The following MYO9A variants were observed in gnomAD, a reference collection of about 807,000 sequenced individuals.
MYO9A encodes myosin IXA, also known as unconventional myosin-IXa.
In MYO9A, 103 loss-of-function variants were observed where a neutral mutation model predicts 293.3. The observed-to-expected ratio is 0.35, with a 90% CI of 0.30 to 0.41. The LOEUF (loss-of-function observed/expected upper bound fraction) is 0.41. Ranked by LOEUF, MYO9A falls within the 10% of genes least tolerant of loss-of-function variation. The pLI is 1.00. For synonymous variants in MYO9A, 1,001 were observed against 1,035.7 expected (o/e 0.97, Z 0.64); for missense variants, 2,685 against 3,033.0 (o/e 0.89, Z 2.69).
chr15:71,956,326 AAAAAAT>A (rs1275462531), intron 14 of MYO9A, among the ~76,000 whole-genome samples: 1 of 9,888 alleles, frequency 1.0e-4, no homozygotes, highest in African/African-American at 1.8e-4. Flanking sequence ...AAAAAAAAAA[AAAAAAT>A]ATATATATAT....
At chr15:71,873,357 G>A (rs2056582051) in intron 32 of MYO9A, among the ~76,000 whole-genome samples, 2 of 151,872 alleles carry the variant, frequency 1.3e-5, no homozygotes, top group African/African-American at 4.8e-5. Context: ...TCAGTCTTTT[G>A]CCATTACAAA....
intron 22 of MYO9A, 61 bp from the exon 23 acceptor site, chr15:71,901,401 G>C: frequency 1.3e-6 from 2 of 1,498,286 alleles, no homozygotes; most frequent in South Asian, 1.3e-5. Flanking sequence ...TTTATTTCAT[G>C]AATCATCCTT....
chr15:71,993,413 A>G (rs1467161899), intron 10 of MYO9A, among the ~76,000 whole-genome samples: 1 of 152,168 alleles, frequency 6.6e-6, no homozygotes, highest in Non-Finnish European at 1.5e-5. Flanking sequence ...GACAAAACAG[A>G]AGACAAAAAT....
At chr15:71,987,668 T>C (rs1310979618) in intron 11 of MYO9A, among the ~76,000 whole-genome samples, 1 of 152,220 alleles carries the variant, frequency 6.6e-6, no homozygotes, top group Admixed American at 6.5e-5. Context: ...TATATGCCTA[T>C]GTACTCCTTT....
chr15:72,025,240 T>C (rs151011270), intron 4 of MYO9A, among the ~76,000 whole-genome samples: 155 of 152,266 alleles, frequency 1.0e-3, no homozygotes, highest in African/African-American at 3.3e-3. Flanking sequence ...AGACCAAACT[T>C]GTTCCTAGGG....
intron 1 of MYO9A, among the ~76,000 whole-genome samples, chr15:72,086,680 TG>T (rs1481663143): frequency 6.7e-6 from 1 of 149,226 alleles, no homozygotes. Context: ...AGGGAGGGGT[TG>T]GGGTGTAAGC....
chr15:71,948,671 G>A (rs768966666), intron 15 of MYO9A, among the ~76,000 whole-genome samples: 2 of 152,128 alleles, frequency 1.3e-5, no homozygotes, highest in Admixed American at 6.6e-5. Context: ...CCCAAGTTAC[G>A]ATCATGGGGT....
chr15:71,847,171 G>C (rs994643752), intron 39 of MYO9A, among the ~76,000 whole-genome samples: 47 of 152,032 alleles, frequency 3.1e-4, no homozygotes, highest in Non-Finnish European at 1.5e-5. Flanking sequence ...CTAACAAAGA[G>C]GAAAAACCAG....
chr15:71,906,758 C>CTTTCTTTTTTTTTTCTTTTTTTTTTT (rs765264146), intron 19 of MYO9A, among the ~76,000 whole-genome samples: 1 of 61,012 alleles, frequency 1.6e-5, no homozygotes, highest in African/African-American at 6.4e-5. Context: ...CCATTTCTTT[C>CTTTCTTTTTTTTTTCTTTTTTTTTTT]TTTTTTTTTT....
At chr15:72,084,459 T>C in intron 1 of MYO9A, among the ~76,000 whole-genome samples, 1 of 152,190 alleles carries the variant, frequency 6.6e-6, no homozygotes, top group African/African-American at 2.4e-5. Context: ...TTGGAGCATT[T>C]AGCCTGTTTA....
At chr15:71,836,970 G>T (rs1040290084) in intron 39 of MYO9A, among the ~76,000 whole-genome samples, 11 of 151,944 alleles carry the variant, frequency 7.2e-5, no homozygotes, top group South Asian at 4.1e-4. Context: ...TCCTTAAACT[G>T]AATATGTTTC....
At chr15:71,919,184 A>G (rs1167166572) in intron 18 of MYO9A, among the ~76,000 whole-genome samples, 1 of 152,200 alleles carries the variant, frequency 6.6e-6, no homozygotes, top group Non-Finnish European at 1.5e-5. Context: ...ACTGTGGCTC[A>G]GGGCTATAAT....
intron 8 of MYO9A, among the ~76,000 whole-genome samples, chr15:72,006,546 C>A (rs1205429912): frequency 6.6e-6 from 1 of 152,090 alleles, no homozygotes; most frequent in Non-Finnish European, 1.5e-5. Flanking sequence ...GGGGGAGGGA[C>A]TGAACAGGTA....
chr15:72,080,839 T>C (rs532514073), intron 1 of MYO9A, among the ~76,000 whole-genome samples: 71 of 152,212 alleles, frequency 4.7e-4, no homozygotes, highest in African/African-American at 1.7e-3. Context: ...CCATATTAGT[T>C]TACTATGAAT....
chr15:71,851,393 AT>A (rs1567196663), intron 36 of MYO9A, 35 bp from the exon 37 acceptor site: 1 of 1,512,332 alleles, frequency 6.6e-7, no homozygotes, highest in Admixed American at 1.7e-5. Context: ...AAGACTAAAT[AT>A]CCCCCCTTAT....
intron 20 of MYO9A, among the ~76,000 whole-genome samples, chr15:71,904,556 G>C (rs1320530832): frequency 6.6e-6 from 1 of 152,228 alleles, no homozygotes; most frequent in Non-Finnish European, 1.5e-5. Flanking sequence ...AGGAGGCTGA[G>C]GCAGGAGAAC....
At chr15:71,998,788 C>T (rs1555500655) in intron 9 of MYO9A, among the ~76,000 whole-genome samples, 2 of 151,760 alleles carry the variant, frequency 1.3e-5, no homozygotes, top group Non-Finnish European at 2.9e-5. Context: ...TCCATGTGTT[C>T]TCATTGTTCA....
At chr15:71,891,215 A>C (rs1435613402) in intron 26 of MYO9A, 1 of 152,234 alleles carries the variant, frequency 6.6e-6, no homozygotes, top group African/African-American at 2.4e-5. Context: ...GACGTGACTA[A>C]CACACTGTGC....
rs149598130 is a variant in MYO9A, at chr15:71,936,946, A to C, written c.2379-1462T>G. On this transcript the variant is annotated intron_variant, in intron 16 of 41. Transcript: ENST00000356056. ...TGGTACTCTGGCTTTAGAAAAAAAA[A>C]AAAGAAAACAAAAGGAGAGAGAGAG... Among the ~76,000 whole-genome samples, 62 of 151,742 alleles carry C rather than the reference A, an allele frequency of 4.1e-4. 2 individuals carry two copies. The highest frequency in any genetic ancestry group is 6.6e-4 in the Admixed American group (10 of 15,234).
Sources: gnomAD v4.1 joint callset for allele counts (sites outside exome capture counted in the v4.1 genomes callset) on GRCh38, gnomAD v4.1.1 for gene constraint, MANE v1.5 for transcripts, NCBI Gene and HGNC (gene_info 2026-07-23, HGNC 2026-07-21) for gene names.